The following ARHGEF3 variants were observed in gnomAD, a reference collection of about 807,000 sequenced individuals.
ARHGEF3 encodes Rho guanine nucleotide exchange factor 3.
Under a neutral mutation model 63.2 loss-of-function variants are expected in ARHGEF3, and 28 were observed. The observed-to-expected ratio is 0.44, with a 90% CI of 0.33 to 0.61. The LOEUF is 0.61. Among genes scored for constraint, ARHGEF3 ranks in the 20% least tolerant of loss-of-function variants. ARHGEF3 has a pLI of 0.03. For missense variants in ARHGEF3, 533 were observed against 659.3 expected (o/e 0.81, Z 2.10); for synonymous variants, 266 against 254.2 (o/e 1.05, Z -0.44).
chr3:56,950,079 T>A (rs558209379), intron 3 of ARHGEF3, among the ~76,000 whole-genome samples: 1 of 152,062 alleles, frequency 6.6e-6, no homozygotes, highest in Non-Finnish European at 1.5e-5. Context: ...GCTAGCCATA[T>A]GTAGAAAGCT....
At chr3:56,963,229 G>A (rs1700354961) in intron 2 of ARHGEF3, among the ~76,000 whole-genome samples, 1 of 151,972 alleles carries the variant, frequency 6.6e-6, no homozygotes, top group East Asian at 1.9e-4. Flanking sequence ...TGGCTAGCAG[G>A]GAGTCTGGCA....
intron 1 of ARHGEF3, among the ~76,000 whole-genome samples, chr3:56,792,151 C>A (rs1423173846): frequency 6.8e-4 from 96 of 141,000 alleles, no homozygotes; most frequent in African/African-American, 2.4e-3. Context: ...AAGAAAATAA[C>A]TGACTACTAT....
intron 3 of ARHGEF3, among the ~76,000 whole-genome samples, chr3:56,905,769 C>A (rs952076683): frequency 1.3e-5 from 2 of 152,196 alleles, no homozygotes; most frequent in Admixed American, 6.5e-5. Context: ...AGAAATGATA[C>A]CCTGGTCAAG....
At chr3:57,002,510 A>ATATGTTATATATG (rs1702283861) in intron 2 of ARHGEF3, among the ~76,000 whole-genome samples, 2 of 96,988 alleles carry the variant, frequency 2.1e-5, no homozygotes, top group Admixed American at 1.2e-4. Flanking sequence ...ATATATATAT[A>ATATGTTATATATG]TATGTTATAT....
chr3:56,745,221 T>C lies in ARHGEF3; in HGVS notation c.854A>G (p.Gln285Arg). The change falls in exon 7 of 10, where the codon CAG becomes CGG. Residue 285 changes from glutamine (Q) to arginine (R), a missense_variant. By Grantham distance (43) the Gln-to-Arg change is conservative. Transcript: ENST00000296315. The part of the protein sequence containing the change: ...RHTPNDNPDQ[Q>R]HLEEAINIIQ... The stretch of plus-strand genomic sequence containing the variant: ...CAAACTTACAGCTTCTTCCAAGTGC[T>C]GCTGATCTGGATTATCATTTGGTGT... 1.2e-6 allele frequency: 2 copies of C among 1,613,120 alleles called. No individual in the cohort carries two copies. The highest frequency in any genetic ancestry group is 1.7e-6 in the Non-Finnish European group (2 of 1,179,372).
At position 56,791,285 on chromosome 3, in the gene ARHGEF3, C is replaced by T. The variant is rs183994600; in HGVS notation, c.96+10418G>A. Among the ~76,000 whole-genome samples the T allele has an allele frequency of 7.9e-5, 12 of 152,096 alleles. No individual in the cohort carries two copies. The South Asian group carries it at 8.3e-4, about 11-fold the overall frequency. ...AAAATTAGCCAGGCATGGTGGCACA[C>T]GCCTGTAGTCCTAGCTGTAGTCCTA... On this transcript the variant is annotated intron_variant, in intron 1 of 9. Transcript: ENST00000296315.
At chr3:56,798,239 C>T (rs1009164322) in intron 1 of ARHGEF3, among the ~76,000 whole-genome samples, 27 of 152,194 alleles carry the variant, frequency 1.8e-4, no homozygotes, top group African/African-American at 6.5e-4. Context: ...ATGAGATAGG[C>T]CTATGGTCTA....
intron 4 of ARHGEF3, among the ~76,000 whole-genome samples, chr3:56,841,359 G>A (rs2039301896): frequency 6.6e-6 from 1 of 152,056 alleles, no homozygotes; most frequent in African/African-American, 2.4e-5. Flanking sequence ...CCCCCTTTCA[G>A]CTATAGCATG....
intron 2 of ARHGEF3, among the ~76,000 whole-genome samples, chr3:57,023,404 T>A (rs1480851404): frequency 3.3e-5 from 5 of 152,222 alleles, no homozygotes; most frequent in Admixed American, 3.3e-4. Context: ...ATGGCTACAA[T>A]ACCCCCAGCT....
intron 1 of ARHGEF3, among the ~76,000 whole-genome samples, chr3:57,058,056 T>C (rs1343747472): frequency 1.3e-5 from 2 of 152,218 alleles, no homozygotes; most frequent in African/African-American, 4.8e-5. Context: ...AGTCGTGTCC[T>C]TGCCATGGCC....
intron 1 of ARHGEF3, chr3:57,035,183 T>C (rs745418799): frequency 2.7e-6 from 4 of 1,462,060 alleles, no homozygotes; most frequent in South Asian, 1.4e-5. Context: ...TCTCCTTTTT[T>C]AAAAAGCAAA....
chr3:57,061,908 TAGGTTC>T (rs1311884211), intron 1 of ARHGEF3, among the ~76,000 whole-genome samples: 6 of 152,208 alleles, frequency 3.9e-5, no homozygotes, highest in Admixed American at 3.3e-4. Flanking sequence ...TGAGCCCGCA[TAGGTTC>T]AGATTTAAAT....
At chr3:56,815,927 T>A (rs2038252767) in intron 4 of ARHGEF3, among the ~76,000 whole-genome samples, 1 of 152,144 alleles carries the variant, frequency 6.6e-6, no homozygotes, top group African/African-American at 2.4e-5. Flanking sequence ...ATAACACAGA[T>A]GACTGACTGG....
chr3:56,914,983 G>A (rs1207719109), intron 3 of ARHGEF3, among the ~76,000 whole-genome samples: 2 of 151,896 alleles, frequency 1.3e-5, no homozygotes, highest in African/African-American at 4.8e-5. Flanking sequence ...ACTTAAAATA[G>A]TCAAGATGGT....
chr3:56,997,580 C>T (rs781173248), intron 2 of ARHGEF3, among the ~76,000 whole-genome samples: 1 of 152,170 alleles, frequency 6.6e-6, no homozygotes, highest in Non-Finnish European at 1.5e-5. Flanking sequence ...GGGCTGACTC[C>T]GCGCAGATCT....
At chr3:56,769,285 G>A (rs1213766896) in intron 2 of ARHGEF3, among the ~76,000 whole-genome samples, 1 of 152,190 alleles carries the variant, frequency 6.6e-6, no homozygotes, top group Admixed American at 6.5e-5. Flanking sequence ...GGCCAAAGGC[G>A]AGCTCGCCTT....
chr3:56,960,322 G>C (rs148949882), intron 2 of ARHGEF3, among the ~76,000 whole-genome samples: 196 of 152,270 alleles, frequency 1.3e-3, no homozygotes, highest in Admixed American at 2.4e-3. Flanking sequence ...TAAGTGCTTT[G>C]ATTCTGATCA....
chr3:57,063,214 G>A lies in ARHGEF3; in HGVS notation c.-28+16012C>T, dbSNP rs1208671208. On this transcript the variant is annotated intron_variant, in intron 1 of 12. Coordinates refer to the ARHGEF3 transcript ENST00000338458. ...CATGGAGGTGATGTGGCTAGAGTGC[G>A]GTTATGAGGGGGAAGGGCAAACTAA... 5.3e-5 allele frequency among the ~76,000 whole-genome samples: 8 copies of A among 152,308 alleles called. No individual in the cohort carries two copies. In the South Asian group the frequency reaches 8.3e-4, roughly 16 times the overall value.
intron 4 of ARHGEF3, among the ~76,000 whole-genome samples, chr3:56,861,378 T>A (rs1359113247): frequency 6.6e-6 from 1 of 152,112 alleles, no homozygotes; most frequent in African/African-American, 2.4e-5. Context: ...TGGAACCTAA[T>A]CTATCATCTA....
Sources: gnomAD v4.1 joint callset for allele counts (sites outside exome capture counted in the v4.1 genomes callset) on GRCh38, gnomAD v4.1.1 for gene constraint, MANE v1.5 for transcripts, NCBI Gene and HGNC (gene_info 2026-07-23, HGNC 2026-07-21) for gene names.